Variants in LHPP observed in about 807,000 individuals in gnomAD.
LHPP encodes the protein hLHPP.
A neutral mutation model predicts 30.3 loss-of-function variants in LHPP; 24 were observed. The ratio of observed to expected loss-of-function variants is 0.79; its 90% confidence interval spans 0.57 to 1.11. LHPP has a LOEUF of 1.11. Among genes scored for constraint, LHPP ranks in the 50% most tolerant of loss-of-function variants. LHPP has a pLI of 0.00. For synonymous variants in LHPP, 150 were observed against 157.1 expected, an observed-to-expected ratio of 0.95 and a Z score of 0.34; for missense variants, 356 against 367.2, an observed-to-expected ratio of 0.97 and a Z score of 0.25.
Position 124,496,907 on chromosome 10 carries a change from C to A in LHPP, c.468-54C>A. The A allele has an allele frequency of 6.6e-7, 1 of 1,518,156 alleles. No individual in the cohort carries two copies. Among genetic ancestry groups the A allele is most frequent in the Non-Finnish European group, 9.1e-7 (1 of 1,100,684 alleles). 94.0% of individuals were successfully genotyped at this position (1,518,156 alleles called of 1,614,324 possible). ...TGCTCAGCTCCCGATACTTAGCATC[C>A]TGCGGTCAGCTCCCCGTGCTCAGCA... On this transcript the variant is annotated intron_variant, in intron 3 of 6. Coordinates refer to ENST00000368842, the MANE Select transcript of LHPP (RefSeq NM_022126.4). The surrounding 1 kb of genome is among the most constrained non-coding windows in gnomAD (Gnocchi z 4.3).
At chr10:124,519,034 G>A (rs766199670) in intron 6 of LHPP, among the ~76,000 whole-genome samples, 5 of 151,986 alleles carry the variant, frequency 3.3e-5, no homozygotes, top group African/African-American at 7.3e-5. Context: ...TGCAACCTCC[G>A]CCTCCCAGGC....
rs1954667301 is a variant in LHPP, at chr10:124,523,814, C to T, written c.716+6543C>T. On this transcript the variant is annotated intron_variant, in intron 6 of 6. Transcript: ENST00000368842. This position sits in a 1 kb window ranked among gnomAD's most constrained non-coding sequence, Gnocchi z 4.2. ...GCTCACCCCAAGTTCCTCGGGTACT[C>T]ATCCTGGCAGTGCAGGGAAGGGCAC... Among the ~76,000 whole-genome samples, 1 of 152,212 alleles carries T rather than the reference C, an allele frequency of 6.6e-6. No homozygotes were observed. Among genetic ancestry groups the T allele is most frequent in the Non-Finnish European group, 1.5e-5 (1 of 68,036 alleles).
chr10:124,603,899 C>T (rs1949060098), intron 6 of LHPP, among the ~76,000 whole-genome samples: 1 of 152,236 alleles, frequency 6.6e-6, no homozygotes, highest in Admixed American at 6.5e-5. Context: ...GAACAGGTAG[C>T]TGAGGCTGGA....
At chr10:124,508,898 A>C (rs1023208117) in intron 5 of LHPP, among the ~76,000 whole-genome samples, 1 of 152,050 alleles carries the variant, frequency 6.6e-6, no homozygotes, top group Non-Finnish European at 1.5e-5. Flanking sequence ...TTTTAGGTTC[A>C]GGGATACGTG....
chr10:124,488,347 C>T, intron 2 of LHPP, 75 bp from the exon 3 acceptor site: 1 of 1,349,640 alleles, frequency 7.4e-7, no homozygotes, highest in East Asian at 2.3e-5. Flanking sequence ...TGAAAGGTGT[C>T]CCTGGTAGGA....
intron 6 of LHPP, among the ~76,000 whole-genome samples, chr10:124,606,189 C>T (rs903865895): frequency 2.0e-5 from 3 of 152,146 alleles, no homozygotes; most frequent in South Asian, 2.1e-4. Context: ...ACTCACTGCT[C>T]CCACCTCCCA....
intron 6 of LHPP, among the ~76,000 whole-genome samples, chr10:124,556,169 G>A (rs748453112): frequency 2.0e-5 from 3 of 152,092 alleles, no homozygotes; most frequent in Admixed American, 6.5e-5. Flanking sequence ...GTAAACCACC[G>A]ACCAGCCCAC....
At chr10:124,584,843 C>T (rs747846005) in intron 6 of LHPP, among the ~76,000 whole-genome samples, 6 of 152,136 alleles carry the variant, frequency 3.9e-5, no homozygotes, top group Non-Finnish European at 7.3e-5. Flanking sequence ...TGCTCCAAAA[C>T]CTGAAACTTT....
At chr10:124,480,247 A>G (rs937312108) in intron 1 of LHPP, among the ~76,000 whole-genome samples, 1 of 152,194 alleles carries the variant, frequency 6.6e-6, no homozygotes, top group Non-Finnish European at 1.5e-5. Flanking sequence ...ACAGAACCCA[A>G]TGGGAGCGGA....
intron 1 of LHPP, among the ~76,000 whole-genome samples, chr10:124,462,279 TAAGCGTA>T (rs1288139006): frequency 2.0e-5 from 3 of 152,158 alleles, no homozygotes; most frequent in Non-Finnish European, 2.9e-5. Flanking sequence ...AGATGTGCTG[TAAGCGTA>T]AAATGCATAC....
At chr10:124,535,527 C>T (rs977848949) in intron 6 of LHPP, among the ~76,000 whole-genome samples, 2 of 152,144 alleles carry the variant, frequency 1.3e-5, no homozygotes, top group South Asian at 2.1e-4. Flanking sequence ...TCCCAAGTAG[C>T]CGGGACTATA....
chr10:124,465,681 C>T (rs1009459018), intron 1 of LHPP, among the ~76,000 whole-genome samples: 4 of 152,228 alleles, frequency 2.6e-5, no homozygotes, highest in South Asian at 2.1e-4. Context: ...TGTGCCTCAG[C>T]CTCCTGAGCA....
At chr10:124,506,263 A>ACCCCCCCCCCCCCCC (rs539116106) in intron 5 of LHPP, among the ~76,000 whole-genome samples, 16 of 86,318 alleles carry the variant, frequency 1.9e-4, no homozygotes, top group Non-Finnish European at 2.3e-4. Context: ...AAAACAACAA[A>ACCCCCCCCCCCCCCC]CCCCCCCCCC....
intron 1 of LHPP, among the ~76,000 whole-genome samples, chr10:124,479,756 C>T (rs1001572488): frequency 5.3e-5 from 8 of 152,244 alleles, no homozygotes; most frequent in Non-Finnish European, 1.2e-4. Context: ...TCCACAAAGG[C>T]CCTGTCTCCA....
Position 124,476,321 on chromosome 10 carries a change from C to T in LHPP, c.126-7818C>T, listed in dbSNP as rs182602022. 1.3e-4 allele frequency among the ~76,000 whole-genome samples: 20 copies of T among 152,292 alleles called. No homozygotes were observed. In the East Asian group the frequency reaches 1.5e-3, roughly 12 times the overall value. The stretch of plus-strand genomic sequence containing the variant: ...CGTCTAGTGGACCTGTTGCCCTGGC[C>T]GGTCAGCTGGAAGGAGGAGCAAGTG... On this transcript the variant is annotated intron_variant, in intron 1 of 6. Transcript: ENST00000368842.
intron 5 of LHPP, among the ~76,000 whole-genome samples, chr10:124,505,432 C>T (rs930727283): frequency 5.3e-5 from 8 of 152,080 alleles, no homozygotes; most frequent in African/African-American, 1.9e-4. Context: ...TGCTGCTTCC[C>T]GAGACCCTGA....
At chr10:124,544,365 G>A (rs1350513384) in intron 6 of LHPP, among the ~76,000 whole-genome samples, 5 of 152,206 alleles carry the variant, frequency 3.3e-5, no homozygotes, top group Non-Finnish European at 7.3e-5. Context: ...GAGCCTGCCA[G>A]CCCAGAGTCC....
In LHPP at chr10:124,478,760, C is replaced by A. The variant is rs891391731; in HGVS notation, c.126-5379C>A. On this transcript the variant is annotated intron_variant, in intron 1 of 6. Transcript: ENST00000368842. This position sits in a 1 kb window ranked among gnomAD's most constrained non-coding sequence, Gnocchi z 4.7. The stretch of plus-strand genomic sequence containing the variant: ...ATGAGGTAAAGGTCAGTTCAAAGAT[C>A]CAGTTTGGGCCAGGCGCGGTGGCTC... 1.3e-5 allele frequency among the ~76,000 whole-genome samples: 2 copies of A among 152,126 alleles called. No homozygotes were observed. Among genetic ancestry groups the A allele is most frequent in the African/African-American group, 4.8e-5 (2 of 41,428 alleles).
chr10:124,565,581 C>T (rs1040045505), intron 6 of LHPP, among the ~76,000 whole-genome samples: 3 of 152,168 alleles, frequency 2.0e-5, no homozygotes, highest in Non-Finnish European at 4.4e-5. Context: ...CCTTAAGGGA[C>T]GCACTGGGGA....
Sources: gnomAD v4.1 joint callset for allele counts (sites outside exome capture counted in the v4.1 genomes callset) on GRCh38, gnomAD v4.1.1 for gene constraint, Gnocchi (gnomAD v3.1) non-coding constraint, MANE v1.5 for transcripts, NCBI Gene and HGNC (gene_info 2026-07-23, HGNC 2026-07-21) for gene names.